RARB: variants seen among roughly 807,000 people sequenced by gnomAD.
The protein encoded by RARB is retinoic acid receptor beta.
RARB carries 17 observed loss-of-function variants against 51.9 expected under a neutral mutation model. That is an observed-to-expected ratio of 0.33 (90% CI 0.22 to 0.49). RARB has a LOEUF of 0.49. Among genes scored for constraint, RARB ranks in the 20% least tolerant of loss-of-function variants. The pLI is 0.99. For synonymous variants in RARB, 215 were observed against 195.4 expected (o/e 1.10, Z -0.84); for missense variants, 369 against 550.8 (o/e 0.67, Z 3.30).
intron 2 of RARB, among the ~76,000 whole-genome samples, chr3:24,925,868 A>G (rs1373445310): frequency 6.6e-6 from 1 of 151,654 alleles, no homozygotes; most frequent in East Asian, 1.9e-4. Flanking sequence ...CAACCTTCCC[A>G]TTTGTGGGCT....
intron 5 of RARB, among the ~76,000 whole-genome samples, chr3:25,291,324 G>A (rs1553601784): frequency 5.9e-5 from 9 of 152,130 alleles, no homozygotes; most frequent in Non-Finnish European, 1.3e-4. Flanking sequence ...AACTGCACTT[G>A]CAGAAACCAG....
At chr3:25,073,625 C>A (rs1326253566) in intron 3 of RARB, among the ~76,000 whole-genome samples, 1 of 152,138 alleles carries the variant, frequency 6.6e-6, no homozygotes, top group Non-Finnish European at 1.5e-5. Context: ...GTGGATACTT[C>A]ATCAAAGTAC....
intron 2 of RARB, among the ~76,000 whole-genome samples, chr3:24,924,625 A>G (rs1338518200): frequency 1.3e-5 from 2 of 152,210 alleles, no homozygotes; most frequent in African/African-American, 4.8e-5. Flanking sequence ...ATAAAGCTAC[A>G]TGACAATTGT....
At chr3:25,429,604 G>T (rs1381167970) in intron 1 of RARB, among the ~76,000 whole-genome samples, 2 of 152,148 alleles carry the variant, frequency 1.3e-5, no homozygotes, top group Non-Finnish European at 2.9e-5. Context: ...ATATCTTGCA[G>T]TTCAGCCCGG....
At chr3:24,867,271 T>C (rs1702868243) in intron 2 of RARB, among the ~76,000 whole-genome samples, 1 of 152,130 alleles carries the variant, frequency 6.6e-6, no homozygotes, top group South Asian at 2.1e-4. Flanking sequence ...CATTTAAAAC[T>C]ATAAACTAAA....
At chr3:25,278,596 A>G (rs1703449286) in intron 5 of RARB, among the ~76,000 whole-genome samples, 1 of 152,192 alleles carries the variant, frequency 6.6e-6, no homozygotes, top group South Asian at 2.1e-4. Context: ...GTATCAATTG[A>G]TTTATGGATT....
At chr3:25,554,552 C>A (rs1449966827) in intron 3 of RARB, among the ~76,000 whole-genome samples, 2 of 152,018 alleles carry the variant, frequency 1.3e-5, no homozygotes, top group South Asian at 2.1e-4. Flanking sequence ...TTCTATCTGG[C>A]CTATTAGGAG....
chr3:25,273,471 G>A (rs886957702), intron 5 of RARB, among the ~76,000 whole-genome samples: 2 of 152,242 alleles, frequency 1.3e-5, no homozygotes, highest in African/African-American at 4.8e-5. Context: ...AAAGCAGGCT[G>A]GCTTTCTTAG....
intron 4 of RARB, among the ~76,000 whole-genome samples, chr3:25,155,257 T>A (rs1030710412): frequency 3.3e-5 from 5 of 152,176 alleles, no homozygotes; most frequent in African/African-American, 1.2e-4. Flanking sequence ...ATGAAAGTGA[T>A]CACCCTCCCT....
At chr3:25,549,760 A>G (rs1285812709) in intron 3 of RARB, among the ~76,000 whole-genome samples, 1 of 152,122 alleles carries the variant, frequency 6.6e-6, no homozygotes, top group Non-Finnish European at 1.5e-5. Context: ...GTTTGCTGCC[A>G]TTTATTGAGT....
At chr3:24,879,917 C>A (rs775439167) in intron 2 of RARB, among the ~76,000 whole-genome samples, 3 of 151,424 alleles carry the variant, frequency 2.0e-5, no homozygotes, top group Non-Finnish European at 4.4e-5. Context: ...TTTTGTCCTG[C>A]GTGAATCCCA....
intron 1 of RARB, 24 bp from the exon 2 acceptor site, chr3:25,461,169 C>A: frequency 1.3e-6 from 2 of 1,490,812 alleles, no homozygotes; most frequent in Non-Finnish European, 1.8e-6. Flanking sequence ...TCTTTTTTCT[C>A]CCTCTACCCC....
chr3:25,518,591 G>A (rs1050615771), intron 3 of RARB, among the ~76,000 whole-genome samples: 1 of 152,028 alleles, frequency 6.6e-6, no homozygotes, highest in Non-Finnish European at 1.5e-5. Context: ...AAGAAATAAC[G>A]ATGGGCATGA....
chr3:24,991,443 C>CAAAAA (rs371185277), intron 2 of RARB, among the ~76,000 whole-genome samples: 9 of 138,764 alleles, frequency 6.5e-5, no homozygotes, highest in African/African-American at 1.9e-4. Context: ...AACTCTGTCT[C>CAAAAA]AAAAAAAAAA....
intron 2 of RARB, among the ~76,000 whole-genome samples, chr3:25,055,522 T>A (rs1698418280): frequency 6.6e-6 from 1 of 152,126 alleles, no homozygotes; most frequent in South Asian, 2.1e-4. Context: ...AACTACAGGG[T>A]CTCTGGAAGA....
chr3:25,357,078 A>T (rs1328028253), intron 5 of RARB, among the ~76,000 whole-genome samples: 6 of 152,186 alleles, frequency 3.9e-5, no homozygotes, highest in African/African-American at 1.4e-4. Flanking sequence ...TAGATCCTTG[A>T]GGAATCACCA....
intron 2 of RARB, among the ~76,000 whole-genome samples, chr3:24,913,185 T>C (rs536790395): frequency 1.9e-4 from 29 of 151,732 alleles, no homozygotes; most frequent in South Asian, 6.3e-4. Flanking sequence ...GGGGTTTCAC[T>C]GTGTTAGCCA....
chr3:25,424,455 T>C (rs1359038176), upstream of RARB, among the ~76,000 whole-genome samples: 1 of 152,190 alleles, frequency 6.6e-6, no homozygotes, highest in Admixed American at 6.5e-5. Context: ...TGCCAACATC[T>C]CTGCCTTGGC....
At chr3:25,411,375 AAC>A (rs561850300) in intron 5 of RARB, among the ~76,000 whole-genome samples, 79 of 152,346 alleles carry the variant, frequency 5.2e-4, no homozygotes, top group Non-Finnish European at 5.9e-5. Flanking sequence ...CACAATACAA[AAC>A]ACACTTTTCC....
Sources: gnomAD v4.1 joint callset for allele counts (sites outside exome capture counted in the v4.1 genomes callset) on GRCh38, gnomAD v4.1.1 for gene constraint, MANE v1.5 for transcripts, NCBI Gene and HGNC (gene_info 2026-07-23, HGNC 2026-07-21) for gene names.